LOC128706666: variants seen among roughly 807,000 people sequenced by gnomAD.
chr20:10,432,944 G>A, the LOC128706666 span, among the ~76,000 whole-genome samples: 1 of 152,112 alleles, frequency 6.6e-6, no homozygotes, highest in Non-Finnish European at 1.5e-5. Flanking sequence ...TTTAGGGAAT[G>A]ACAAGAAAAA....
chr20:10,422,145 T>C, the LOC128706666 span, among the ~76,000 whole-genome samples: 3 of 152,206 alleles, frequency 2.0e-5, no homozygotes, highest in Non-Finnish European at 4.4e-5. Flanking sequence ...TGTTATCTTA[T>C]AGCTATGAAC....
the LOC128706666 span, among the ~76,000 whole-genome samples, chr20:10,424,680 T>C: frequency 6.6e-6 from 1 of 152,236 alleles, no homozygotes; most frequent in African/African-American, 2.4e-5. Flanking sequence ...AGCTTTTACT[T>C]ACAATCAAAC....
the LOC128706666 span, among the ~76,000 whole-genome samples, chr20:10,427,746 C>G: frequency 6.6e-6 from 1 of 152,158 alleles, no homozygotes; most frequent in Admixed American, 6.5e-5. Flanking sequence ...TAAAATAACA[C>G]TCATTTTGCT....
chr20:10,423,245 C>T, the LOC128706666 span, among the ~76,000 whole-genome samples: 1 of 152,070 alleles, frequency 6.6e-6, no homozygotes, highest in Non-Finnish European at 1.5e-5. Context: ...CGTGGCAAAA[C>T]CCGTTTCTAC....
chr20:10,421,472 G>A, the LOC128706666 span, among the ~76,000 whole-genome samples: 4 of 151,274 alleles, frequency 2.6e-5, no homozygotes, highest in Admixed American at 2.6e-4. Context: ...AGAATCAAAC[G>A]GTAATCCACA....
At chr20:10,419,751 A>G in the LOC128706666 span, among the ~76,000 whole-genome samples, 9 of 152,236 alleles carry the variant, frequency 5.9e-5, no homozygotes, top group African/African-American at 2.2e-4. Flanking sequence ...GTAGACAGAC[A>G]AGGGAATGAC....
At chr20:10,413,834 A>T in the LOC128706666 span, 1 of 463,092 alleles carries the variant, frequency 2.2e-6, no homozygotes, top group Non-Finnish European at 3.8e-6. Flanking sequence ...CACCTATGAA[A>T]GATATCCCAG....
chr20:10,426,488 A>G, the LOC128706666 span, among the ~76,000 whole-genome samples: 21,757 of 151,890 alleles, frequency 0.14, 1,744 homozygotes, highest in East Asian at 0.24. Context: ...TCACCTCCGC[A>G]TGCCAGATTT....
the LOC128706666 span, among the ~76,000 whole-genome samples, chr20:10,415,648 T>A: frequency 6.6e-6 from 1 of 152,352 alleles, no homozygotes; most frequent in Admixed American, 6.5e-5. Flanking sequence ...AAATGAAACC[T>A]CACAAAGTGA....
At chr20:10,415,536 G>A in the LOC128706666 span, among the ~76,000 whole-genome samples, 3 of 152,210 alleles carry the variant, frequency 2.0e-5, no homozygotes, top group Non-Finnish European at 2.9e-5. Flanking sequence ...TGTATGGCAT[G>A]AGGAGGGAAA....
chr20:10,427,079 C>CACACACAA, the LOC128706666 span, among the ~76,000 whole-genome samples: 5 of 137,358 alleles, frequency 3.6e-5, no homozygotes, highest in African/African-American at 1.3e-4. Flanking sequence ...CACACACACA[C>CACACACAA]AAAGTAAGGT....
chr20:10,419,392 C>T, the LOC128706666 span, among the ~76,000 whole-genome samples: 1 of 151,828 alleles, frequency 6.6e-6, no homozygotes, highest in Non-Finnish European at 1.5e-5. Context: ...TAGTATAACG[C>T]TATATTATAG....
At chr20:10,428,362 T>TAA in the LOC128706666 span, among the ~76,000 whole-genome samples, 1 of 152,226 alleles carries the variant, frequency 6.6e-6, no homozygotes, top group Non-Finnish European at 1.5e-5. Context: ...GCAAACACTT[T>TAA]ATGTTCCTGG....
At chr20:10,426,187 G>A in the LOC128706666 span, among the ~76,000 whole-genome samples, 2 of 152,194 alleles carry the variant, frequency 1.3e-5, no homozygotes, top group African/African-American at 2.4e-5. Context: ...ATTACTGTCA[G>A]TTAACTGTGG....
At chr20:10,427,523 T>C in the LOC128706666 span, among the ~76,000 whole-genome samples, 1 of 152,248 alleles carries the variant, frequency 6.6e-6, no homozygotes, top group Non-Finnish European at 1.5e-5. Context: ...ATGTTGGCTT[T>C]AGGTATTTGT....
the LOC128706666 span, among the ~76,000 whole-genome samples, chr20:10,416,521 T>A: frequency 4.6e-4 from 70 of 151,648 alleles, no homozygotes; most frequent in Middle Eastern, 0.014. Context: ...ATAACTGAAA[T>A]AAATGCAAAC....
chr20:10,419,170 C>T, the LOC128706666 span, among the ~76,000 whole-genome samples: 1 of 152,070 alleles, frequency 6.6e-6, no homozygotes, highest in Non-Finnish European at 1.5e-5. Context: ...AGAGCAGAAC[C>T]TTACACTCAT....
At chr20:10,425,485 G>A in the LOC128706666 span, among the ~76,000 whole-genome samples, 4 of 152,292 alleles carry the variant, frequency 2.6e-5, no homozygotes, top group Admixed American at 6.5e-5. Context: ...TGACAAGAAA[G>A]TTTTTAAAAC....
the LOC128706666 span, among the ~76,000 whole-genome samples, chr20:10,417,553 G>A: frequency 1.3e-5 from 2 of 152,322 alleles, no homozygotes; most frequent in Admixed American, 1.3e-4. Flanking sequence ...TGAGGCTGCA[G>A]TGAGCTATGA....
Sources: gnomAD v4.1 joint callset for allele counts (sites outside exome capture counted in the v4.1 genomes callset) on GRCh38, gnomAD v4.1.1 for gene constraint, MANE v1.5 for transcripts.